The following CENPF variants were observed in gnomAD, a reference collection of about 807,000 sequenced individuals.
CENPF encodes the protein AH antigen.
Under a neutral mutation model 307.3 loss-of-function variants are expected in CENPF, and 214 were observed. The observed-to-expected ratio is 0.70, with a 90% confidence interval of 0.62 to 0.78. The LOEUF is 0.78. Among genes scored for constraint, CENPF ranks in the 30% least tolerant of loss-of-function variants. The pLI, the probability that CENPF is intolerant of heterozygous loss-of-function variation, is 0.00. For missense variants in CENPF, 3,401 were observed against 3,483.9 expected, an observed-to-expected ratio of 0.98 and a Z score of 0.60; for synonymous variants, 1,259 against 1,270.6, an observed-to-expected ratio of 0.99 and a Z score of 0.19.
At chr1:214,617,291 G>A (rs146293279) in intron 3 of CENPF, among the ~76,000 whole-genome samples, 4,604 of 152,084 alleles carry the variant, frequency 0.03, 106 homozygotes, top group Middle Eastern at 0.088. Flanking sequence ...CAGGTTATCT[G>A]CCCGCCTTGG....
At chr1:214,652,068 A>ATTTTTTTTTTT (rs35011701) in intron 15 of CENPF, among the ~76,000 whole-genome samples, 182 bp downstream of exon 15, 4 of 127,094 alleles carry the variant, frequency 3.1e-5, no homozygotes, top group African/African-American at 9.0e-5. Flanking sequence ...TTATCAGTTG[A>ATTTTTTTTTTT]TTTTTTTTTT....
intron 15 of CENPF, 120 bp from the exon 16 acceptor site, chr1:214,652,708 G>C (rs747528848): frequency 1.3e-6 from 1 of 799,538 alleles, no homozygotes; most frequent in Non-Finnish European, 1.9e-6. Context: ...CTCCCAAAGT[G>C]CTGGGATTAC....
intron 19 of CENPF, among the ~76,000 whole-genome samples, chr1:214,662,139 G>T (rs927248718): frequency 6.6e-6 from 1 of 151,818 alleles, no homozygotes; most frequent in Middle Eastern, 3.4e-3. Context: ...CAAACTTTCT[G>T]TTTCCTATGG....
At chr1:214,631,420 G>T (rs1657805114) in intron 9 of CENPF, among the ~76,000 whole-genome samples, 1 of 152,206 alleles carries the variant, frequency 6.6e-6, no homozygotes, top group Non-Finnish European at 1.5e-5. Context: ...GTTTCTATAG[G>T]TCAGATTTCT....
intron 14 of CENPF, among the ~76,000 whole-genome samples, chr1:214,651,425 G>A (rs1658457977): frequency 6.6e-6 from 1 of 152,172 alleles, no homozygotes; most frequent in Non-Finnish European, 1.5e-5. Context: ...AGCATAGGAA[G>A]GTGTGGTCCC....
In CENPF at chr1:214,629,341, C is replaced by T. The variant is rs540790337; in HGVS notation, c.1194+170C>T. ...ATTTTCTTTCACATCTTCACTTTTG[C>T]GCTTTTTTTAAATCTTTCAGTTTTT... is the stretch of plus-strand genomic sequence containing the variant. On this transcript the variant is annotated intron_variant, in intron 8 of 19. Coordinates refer to ENST00000366955, the MANE Select transcript of CENPF (RefSeq NM_016343.4). 2.6e-5 allele frequency among the ~76,000 whole-genome samples: 4 copies of T among 152,006 alleles called. No individual in the cohort carries two copies. In the East Asian group the frequency reaches 5.8e-4, roughly 22 times the overall value.
intron 18 of CENPF, among the ~76,000 whole-genome samples, chr1:214,658,326 A>G (rs1382336466): frequency 1.3e-5 from 2 of 152,200 alleles, no homozygotes; most frequent in African/African-American, 2.4e-5. Flanking sequence ...TTCTGTGGAA[A>G]GAGACAACGT....
rs2102539874 is a variant in CENPF at position 214,622,202 on chromosome 1, T to C, written c.989T>C (p.Ile330Thr). 6.2e-7 allele frequency: 1 copy of C among 1,614,024 alleles called. No individual in the cohort carries two copies. The highest frequency in any genetic ancestry group is 8.5e-7 in the Non-Finnish European group (1 of 1,179,970). The change falls in exon 7 of 20, where the codon ATT (isoleucine) becomes ACT (threonine). Residue 330 changes from isoleucine (I) to threonine (T), a missense_variant. Transcript: ENST00000366955. ...CTGGAGAAAGCAAAAGTGGAATTAA[T>C]TGAAAAAGAGAAAGTTTTGAACAAA... is the stretch of plus-strand genomic sequence containing the variant. ...LQLEKAKVELIEKEKVLNKCR... is the reference protein window; with the variant it reads ...LQLEKAKVELTEKEKVLNKCR...
In CENPF at chr1:214,640,004, C is replaced by T; in HGVS notation, c.1666C>T (p.Leu556=). ...AGAAAACTCCTTGACTTTAGAAAAA[C>T]TGAAGCTTGCTGTGGCTGATCTGGA... is the stretch of plus-strand genomic sequence containing the variant. ...QQENSLTLEK[L]KLAVADLEKQ... Residue 556 remains leucine (L), a synonymous_variant, in exon 12 of 20, where the codon CTG becomes TTG. Transcript: ENST00000366955. 1 of 1,591,152 alleles carries T rather than the reference C, an allele frequency of 6.3e-7. No individual in the cohort carries two copies. The highest frequency in any genetic ancestry group is 8.5e-7 in the Non-Finnish European group (1 of 1,174,296).
intron 1 of CENPF, among the ~76,000 whole-genome samples, chr1:214,607,903 C>T (rs894242214): frequency 3.9e-5 from 6 of 152,184 alleles, no homozygotes; most frequent in African/African-American, 1.2e-4. Flanking sequence ...GGCCAGGCCT[C>T]GGGACCTGGA....
At chr1:214,654,704 C>T (rs1248676376) in intron 16 of CENPF, among the ~76,000 whole-genome samples, 1 of 151,976 alleles carries the variant, frequency 6.6e-6, no homozygotes, top group Non-Finnish European at 1.5e-5. Context: ...ACTTGTACCA[C>T]TGAGAAGCGT....
chr1:214,663,921 T>A lies in CENPF; in HGVS notation c.*127T>A. ...GGAGAAAACAATTCCTTAGAAGTCT[T>A]AAATATATTGTACTCTTTAGATCTC... is the stretch of plus-strand genomic sequence containing the variant. On this transcript the variant is annotated 3_prime_UTR_variant, in exon 20 of 20. Transcript: ENST00000366955. The A allele has an allele frequency of 1.4e-6, 1 of 724,896 alleles. No homozygotes were observed. The highest frequency in any genetic ancestry group is 2.2e-6 in the Non-Finnish European group (1 of 448,178). The allele number at this position is 724,896 out of a possible 1,614,324, so 44.9% of individuals were successfully genotyped here.
chr1:214,610,363 T>A (rs1324290946), intron 1 of CENPF, among the ~76,000 whole-genome samples: 1 of 152,208 alleles, frequency 6.6e-6, no homozygotes, highest in East Asian at 1.9e-4. Flanking sequence ...ATTTTTTAAC[T>A]TTTTAATCAT....
chr1:214,648,503 C>CTAGTAG (rs1328515334), intron 13 of CENPF, 172 bp from the exon 14 acceptor site: 1 of 769,050 alleles, frequency 1.3e-6, no homozygotes, highest in Non-Finnish European at 2.4e-6. Flanking sequence ...GGTAAGCTTA[C>CTAGTAG]TAGTAGGTTT....
rs140026909 is a variant in CENPF, at chr1:214,621,862, A to C, written c.866-217A>C. ...CCACCAAGTTTCTTTGTTAAAATGT[A>C]AGAAAATCTGTTTCTCCTGCTTTCT... On this transcript the variant is annotated intron_variant, in intron 6 of 19. Coordinates refer to ENST00000366955, the MANE Select transcript of CENPF (RefSeq NM_016343.4). Among the ~76,000 whole-genome samples the C allele has an allele frequency of 2.6e-3, 403 of 152,366 alleles. 1 individual carries two copies. Among genetic ancestry groups the C allele is most frequent in the Non-Finnish European group, 4.5e-3 (306 of 68,036 alleles).
At chr1:214,609,666 A>G (rs1157785078) in intron 1 of CENPF, among the ~76,000 whole-genome samples, 6 of 152,158 alleles carry the variant, frequency 3.9e-5, no homozygotes, top group South Asian at 4.1e-4. Flanking sequence ...GGATTGTTGT[A>G]CAGATTATTT....
chr1:214,618,665 C>A lies in CENPF; in HGVS notation c.452C>A (p.Thr151Asn), dbSNP rs564394101. 1.9e-6 allele frequency: 3 copies of A among 1,613,892 alleles called. No homozygotes were observed. The African/African-American group carries it at 4.0e-5, about 22-fold the overall frequency. Residue 151 changes from threonine to asparagine, a missense_variant, in exon 4 of 20, where the codon ACT becomes AAT. Physicochemically the swap from Thr to Asn is moderately conservative, Grantham distance 65. Transcript: ENST00000366955. ...PCNTPQKIFT[T>N]PLTPSQYYSG... ...AATACACCACAAAAAATTTTTACAA[C>A]TCCACTAACACCAAGTCAATATTAT...
chr1:214,623,713 G>A (rs59225065), intron 7 of CENPF, among the ~76,000 whole-genome samples: 103 of 152,126 alleles, frequency 6.8e-4, no homozygotes, highest in African/African-American at 2.4e-3. Flanking sequence ...CCTGGGGCTG[G>A]AACAGTGATA....
In CENPF at chr1:214,645,548, C is replaced by T. The variant is rs1279438844; in HGVS notation, c.5978C>T (p.Ser1993Phe). The T allele has an allele frequency of 1.2e-6, 2 of 1,613,972 alleles. No homozygotes were observed. Among genetic ancestry groups the T allele is most frequent in the African/African-American group, 1.3e-5 (1 of 74,908 alleles). The change falls in exon 13 of 20, where the codon TCT becomes TTT. Residue 1993 changes from serine to phenylalanine, a missense_variant. Physicochemically the swap from Ser to Phe is radical, Grantham distance 155. Coordinates refer to ENST00000366955, the MANE Select transcript of CENPF (RefSeq NM_016343.4). The part of the protein sequence containing the change: ...KMKEKTQELE[S>F]HQSECLHCIQ... ...AAGGAGAAAACACAAGAGCTTGAGT[C>T]TCATCAAAGTGAGTGTCTCCATTGC...
Sources: gnomAD v4.1 joint callset for allele counts (sites outside exome capture counted in the v4.1 genomes callset) on GRCh38, gnomAD v4.1.1 for gene constraint, MANE v1.5 for transcripts, NCBI Gene and HGNC (gene_info 2026-07-23, HGNC 2026-07-21) for gene names.